The following UBAP2 variants were observed in gnomAD, a reference collection of about 807,000 sequenced individuals.
The protein encoded by UBAP2 is ubiquitin associated protein 2.
UBAP2 carries 75 observed loss-of-function variants against 139.6 expected under a neutral mutation model. That is an observed-to-expected ratio of 0.54 (90% CI 0.45 to 0.65). The LOEUF (loss-of-function observed/expected upper bound fraction) is 0.65. Ranked by LOEUF, UBAP2 falls within the 30% of genes least tolerant of loss-of-function variation. UBAP2 has a pLI of 0.00. For missense variants in UBAP2, 1,368 were observed against 1,369.6 expected (o/e 1.00, Z 0.02); for synonymous variants, 526 against 526.2 (o/e 1.00, Z 0.01).
At position 33,933,596 on chromosome 9, in the gene UBAP2, G is replaced by C. The variant is rs755788272; in HGVS notation, c.2002C>G (p.Pro668Ala). Residue 668 changes from proline (P) to alanine (A), a missense_variant, in exon 18 of 29, where the codon CCG becomes GCG. By Grantham distance (27) the Pro-to-Ala change is conservative. Transcript: ENST00000379238. ...GTGCTGGGCAGGGAGCTCACAGACG[G>C]GAGGGCAGAGGGAGGGCCTGTTGTC... Reference protein sequence around the residue: ...PKTTGPPSALPSVSSLPSTTS... With the variant: ...PKTTGPPSALASVSSLPSTTS... 6.2e-7 allele frequency: 1 copy of C among 1,614,000 alleles called. No homozygotes were observed. The highest frequency in any genetic ancestry group is 1.1e-5 in the South Asian group (1 of 91,078).
At chr9:33,985,645 G>C (rs745664172) in intron 6 of UBAP2, among the ~76,000 whole-genome samples, 1 of 152,156 alleles carries the variant, frequency 6.6e-6, no homozygotes, top group Non-Finnish European at 1.5e-5. Context: ...TGGAATGATA[G>C]TTACCAGAGG....
chr9:34,023,767 C>T (rs1254171197), intron 1 of UBAP2, among the ~76,000 whole-genome samples: 3 of 152,072 alleles, frequency 2.0e-5, no homozygotes, highest in Middle Eastern at 3.2e-3. Context: ...AAATACAGGC[C>T]GGGTGCAGTA....
chr9:33,932,380 G>A (rs1824059381), intron 19 of UBAP2, among the ~76,000 whole-genome samples, 182 bp downstream of exon 19: 1 of 152,162 alleles, frequency 6.6e-6, no homozygotes, highest in African/African-American at 2.4e-5. Context: ...TAGAAAGCAA[G>A]ATGTCCCCAG....
intron 6 of UBAP2, among the ~76,000 whole-genome samples, chr9:33,973,954 C>A (rs1210775270): frequency 6.6e-6 from 1 of 152,186 alleles, no homozygotes; most frequent in African/African-American, 2.4e-5. Context: ...CACCTATAAT[C>A]TCAACAATTT....
chr9:33,995,517 ATATATAAATATATTTATATTAT>A (rs1455093346), intron 4 of UBAP2: 5 of 110,532 alleles, frequency 4.5e-5, no homozygotes, highest in South Asian at 4.9e-4. Context: ...ATATTATTAA[ATATATAAATATATTTATATTAT>A]TAAATATATT....
intron 1 of UBAP2, among the ~76,000 whole-genome samples, chr9:34,025,497 A>G (rs1355560197): frequency 6.6e-6 from 1 of 152,210 alleles, no homozygotes; most frequent in Non-Finnish European, 1.5e-5. Context: ...AAAGTGAATT[A>G]AAGATGTGAT....
intron 13 of UBAP2, 125 bp downstream of exon 13, chr9:33,948,249 G>T: frequency 6.5e-6 from 5 of 773,676 alleles, no homozygotes; most frequent in Non-Finnish European, 9.7e-6. Flanking sequence ...CTGAGAAACT[G>T]CAAGAGTTCT....
chr9:33,984,917 A>G (rs1039519763), intron 6 of UBAP2, among the ~76,000 whole-genome samples: 1 of 152,204 alleles, frequency 6.6e-6, no homozygotes, highest in Non-Finnish European at 1.5e-5. Context: ...CAAGACTGCA[A>G]TGAGTTATGA....
chr9:33,973,308 C>T (rs905319158), intron 6 of UBAP2, 71 bp from the exon 7 acceptor site: 3 of 1,476,080 alleles, frequency 2.0e-6, no homozygotes, highest in African/African-American at 2.8e-5. Flanking sequence ...CCTTCTTCAT[C>T]CTATACTCAC....
At chr9:33,951,136 A>G (rs1826059307) in intron 12 of UBAP2, among the ~76,000 whole-genome samples, 1 of 151,160 alleles carries the variant, frequency 6.6e-6, no homozygotes, top group Non-Finnish European at 1.5e-5. Context: ...CCTCTCAAGT[A>G]GCTGGGATTA....
intron 19 of UBAP2, chr9:33,928,774 G>A (rs1030733429): frequency 2.6e-5 from 4 of 152,428 alleles, no homozygotes; most frequent in African/African-American, 9.7e-5. Context: ...TCAAAAAAGG[G>A]AAGAAAAGCT....
intron 13 of UBAP2, among the ~76,000 whole-genome samples, chr9:33,945,356 G>A (rs952748196): frequency 2.6e-5 from 4 of 151,872 alleles, no homozygotes; most frequent in Admixed American, 6.6e-5. Context: ...AAAATTAGCC[G>A]GGTGTGGTGG....
chr9:34,044,297 A>C (rs1306441984), intron 1 of UBAP2, among the ~76,000 whole-genome samples: 1 of 151,764 alleles, frequency 6.6e-6, no homozygotes, highest in Non-Finnish European at 1.5e-5. Context: ...GCTACTCGGG[A>C]GGCTGAGGCA....
chr9:34,021,632 A>AT (rs60522554), intron 1 of UBAP2, among the ~76,000 whole-genome samples: 5 of 126,778 alleles, frequency 3.9e-5, no homozygotes, highest in African/African-American at 1.4e-4. Flanking sequence ...AATCCATTTG[A>AT]TTTTTTTTTT....
At chr9:33,949,613 G>T (rs1488868467) in intron 12 of UBAP2, among the ~76,000 whole-genome samples, 1 of 152,168 alleles carries the variant, frequency 6.6e-6, no homozygotes, top group East Asian at 1.9e-4. Flanking sequence ...TGAGACAGGA[G>T]AATCGCTTGA....
rs1825513707 is a variant in UBAP2, at chr9:33,944,623, A to G, written c.1287T>C (p.Pro429=). Residue 429 remains proline (P), a synonymous_variant, in exon 14 of 29, where the codon CCT becomes CCC. Transcript: ENST00000379238. The stretch of plus-strand genomic sequence containing the variant: ...ACTGGCTAAGAACTGGGGATGGCTC[A>G]GGTTGAGATTTGAAGTCTAAAAAAA... The part of the protein sequence containing the change: ...VLSHLDFKSQ[P]EPSPVLSQLS... 1.2e-6 allele frequency: 2 copies of G among 1,613,296 alleles called. No individual in the cohort carries two copies. The highest frequency in any genetic ancestry group is 1.7e-6 in the Non-Finnish European group (2 of 1,179,358).
At chr9:34,023,741 C>A (rs1825157755) in intron 1 of UBAP2, among the ~76,000 whole-genome samples, 2 of 152,288 alleles carry the variant, frequency 1.3e-5, no homozygotes, top group Middle Eastern at 3.4e-3. Context: ...ACAAAGACTT[C>A]TAGCTTAAAA....
At chr9:34,002,566 A>G (rs953558766) in intron 2 of UBAP2, among the ~76,000 whole-genome samples, 3 of 151,628 alleles carry the variant, frequency 2.0e-5, no homozygotes. Flanking sequence ...TTAGTAGAGA[A>G]CGGGTTTCAC....
chr9:33,939,891 GGGGAGGAGGAGGAGGAT>G (rs1488102846), intron 16 of UBAP2, among the ~76,000 whole-genome samples: 761 of 17,928 alleles, frequency 0.042, no homozygotes, highest in Non-Finnish European at 0.062. Flanking sequence ...AGGAGGAGGA[GGGGAGGAGGAGGAGGAT>G]GGGGAGGAGA....
Sources: allele counts gnomAD v4.1 joint callset (sites outside exome capture counted in the v4.1 genomes callset), GRCh38; gene constraint gnomAD v4.1.1; transcripts MANE v1.5; gene names NCBI Gene and HGNC (gene_info 2026-07-23, HGNC 2026-07-21).